RNF32: variants seen among roughly 807,000 people sequenced by gnomAD.
RNF32 encodes ring finger protein 32.
Under a neutral mutation model 41.0 loss-of-function variants are expected in RNF32, and 36 were observed. The ratio of observed to expected loss-of-function variants is 0.88; its 90% confidence interval spans 0.67 to 1.16. The LOEUF (loss-of-function observed/expected upper bound fraction) is 1.16. Ranked by LOEUF, RNF32 falls within the 50% of genes most tolerant of loss-of-function variation. The pLI is 0.00. For missense variants in RNF32, 413 were observed against 436.7 expected, an observed-to-expected ratio of 0.95 and a Z score of 0.48; for synonymous variants, 154 against 160.9, an observed-to-expected ratio of 0.96 and a Z score of 0.32.
At chr7:156,650,004 G>C (rs1318841905) in intron 3 of RNF32, among the ~76,000 whole-genome samples, 1 of 145,802 alleles carries the variant, frequency 6.9e-6, no homozygotes, top group Non-Finnish European at 1.5e-5. Flanking sequence ...AAACTCACTT[G>C]TAAAATCATC....
intron 1 of RNF32, chr7:156,643,030 G>T (rs886704132): frequency 6.6e-6 from 1 of 152,176 alleles, no homozygotes; most frequent in Admixed American, 6.5e-5. Flanking sequence ...AAATCTAAAA[G>T]GGCCAATTCC....
intron 4 of RNF32, among the ~76,000 whole-genome samples, chr7:156,656,128 A>G (rs914021221): frequency 1.3e-5 from 2 of 152,224 alleles, no homozygotes; most frequent in African/African-American, 4.8e-5. Flanking sequence ...AGGGCCTTCA[A>G]TTAATTCCGT....
chr7:156,658,199 A>G lies in RNF32; in HGVS notation c.522A>G (p.Gln174=), dbSNP rs982206761. Residue 174 remains glutamine (Q), a synonymous_variant, in exon 6 of 9, where the codon CAA becomes CAG. Coordinates refer to ENST00000317955, the MANE Select transcript of RNF32 (RefSeq NM_030936.4). ...TCPLCRKNQY[Q]TRVIHDGARL... The stretch of plus-strand genomic sequence containing the variant: ...CTCTCTGTAGAAAGAACCAGTATCA[A>G]ACCCGAGTGATACACGATGGGGCCC... 3.1e-6 allele frequency: 5 copies of G among 1,614,208 alleles called. No homozygotes were observed. The Admixed American group carries it at 6.7e-5, about 22-fold the overall frequency.
At chr7:156,641,248 C>G (rs1441466067) in intron 1 of RNF32, among the ~76,000 whole-genome samples, 1 of 152,152 alleles carries the variant, frequency 6.6e-6, no homozygotes, top group Non-Finnish European at 1.5e-5. Flanking sequence ...CACCAAGACC[C>G]TACGTAGGAT....
chr7:156,646,760 T>C (rs1798012884), intron 3 of RNF32, among the ~76,000 whole-genome samples: 1 of 152,220 alleles, frequency 6.6e-6, no homozygotes, highest in African/African-American at 2.4e-5. Context: ...TATATTACTA[T>C]GTTGATAGGT....
At chr7:156,659,579 T>G (rs1191709093) in intron 7 of RNF32, 1 of 961,342 alleles carries the variant, frequency 1.0e-6, no homozygotes, top group African/African-American at 1.8e-5. Context: ...TTGTCACCTC[T>G]TATACAATTT....
intron 3 of RNF32, among the ~76,000 whole-genome samples, chr7:156,645,992 A>G (rs1797929580): frequency 6.6e-6 from 1 of 152,204 alleles, no homozygotes; most frequent in Admixed American, 6.5e-5. Context: ...AGTCAGCCTT[A>G]CCTCCGTCAT....
Position 156,676,440 on chromosome 7 carries a change from G to T in RNF32, c.874G>T (p.Glu292Ter), listed in dbSNP as rs771521330. The change falls in exon 9 of 9, where the codon GAG (glutamate) becomes TAG (stop). Residue 292 changes from glutamate to a stop codon, truncating the protein, a stop_gained. Transcript: ENST00000317955. LOFTEE classifies it low-confidence loss of function (END_TRUNC). The part of the protein sequence containing the change: ...QVQALRRETH[E>*]CSICLAPLSA... Reference sequence around the variant, plus strand: ...GCAGGCTCTGCGCCGGGAGACCCACGAGTGCTCCATCTGCCTGGCCCCTCT... The same window carrying T: ...GCAGGCTCTGCGCCGGGAGACCCACTAGTGCTCCATCTGCCTGGCCCCTCT... 6.2e-7 allele frequency: 1 copy of T among 1,614,046 alleles called. No homozygotes were observed.
At chr7:156,657,220 CT>C (rs1173508371) in intron 4 of RNF32, among the ~76,000 whole-genome samples, 7 of 152,184 alleles carry the variant, frequency 4.6e-5, no homozygotes, top group Non-Finnish European at 8.8e-5. Context: ...CTCCTCACCC[CT>C]CCAGTTTGCA....
chr7:156,653,032 G>A (rs1798978803), intron 3 of RNF32, among the ~76,000 whole-genome samples: 1 of 152,142 alleles, frequency 6.6e-6, no homozygotes, highest in African/African-American at 2.4e-5. Flanking sequence ...CGTAAGTGTA[G>A]ACTGTTTATG....
chr7:156,652,458 A>C (rs576556603), intron 3 of RNF32, among the ~76,000 whole-genome samples: 10 of 151,990 alleles, frequency 6.6e-5, no homozygotes, highest in African/African-American at 1.2e-4. Context: ...TGTCACAACA[A>C]CACCTAGACC....
At chr7:156,650,099 C>T (rs1367381403) in intron 3 of RNF32, among the ~76,000 whole-genome samples, 1 of 152,186 alleles carries the variant, frequency 6.6e-6, no homozygotes, top group East Asian at 1.9e-4. Flanking sequence ...ACAAGCAACA[C>T]ACTGAAAGTG....
chr7:156,666,624 G>C (rs1162649717), intron 7 of RNF32, among the ~76,000 whole-genome samples: 2 of 152,214 alleles, frequency 1.3e-5, no homozygotes, highest in African/African-American at 4.8e-5. Context: ...GTGTCAGAGA[G>C]GGTGTTTGAG....
intron 7 of RNF32, among the ~76,000 whole-genome samples, chr7:156,668,697 C>T (rs946089936): frequency 8.5e-5 from 13 of 152,196 alleles, no homozygotes; most frequent in Non-Finnish European, 1.6e-4. Context: ...GTCAGCGGGG[C>T]TTTTCTTGCT....
At chr7:156,666,281 C>G (rs1801327856) in intron 7 of RNF32, among the ~76,000 whole-genome samples, 1 of 152,164 alleles carries the variant, frequency 6.6e-6, no homozygotes, top group African/African-American at 2.4e-5. Flanking sequence ...GAACTTTGTT[C>G]CTACATTTTT....
In RNF32 at chr7:156,676,536, CAT is replaced by C. The variant is rs1182903916; in HGVS notation, c.971_972del (p.His324ArgfsTer37). ...AGAGATGGCCCTCCTGTCCTGCTCA[CAT>C]GTGTTCCACCATGCGTGTCTGCTGG... ...SREMALLSCS[H>X]VFHHACLLAL... On this transcript the variant is annotated frameshift_variant, in exon 9 of 9. Coordinates refer to ENST00000317955, the MANE Select transcript of RNF32 (RefSeq NM_030936.4). LOFTEE classifies it high-confidence loss of function. 32 of 1,614,200 alleles carry C rather than the reference CAT, an allele frequency of 2.0e-5. No homozygotes were observed. The highest frequency in any genetic ancestry group is 2.7e-5 in the Non-Finnish European group (32 of 1,180,020).
intron 7 of RNF32, among the ~76,000 whole-genome samples, chr7:156,666,750 T>C (rs565885536): frequency 1.3e-5 from 2 of 152,302 alleles, no homozygotes; most frequent in African/African-American, 2.4e-5. Context: ...CTAGCACCGG[T>C]GTGTACAGAA....
intron 8 of RNF32, 75 bp from the exon 9 acceptor site, chr7:156,676,344 C>T (rs769845548): frequency 1.7e-5 from 28 of 1,613,286 alleles, no homozygotes; most frequent in Non-Finnish European, 2.3e-5. Flanking sequence ...GCACATGGTT[C>T]GCATTTCAGT....
chr7:156,645,734 T>TA (rs1797901286), intron 3 of RNF32, among the ~76,000 whole-genome samples: 1 of 152,230 alleles, frequency 6.6e-6, no homozygotes, highest in African/African-American at 2.4e-5. Flanking sequence ...GAACATACGA[T>TA]AATATTTTCT....
Sources: allele counts gnomAD v4.1 joint callset (sites outside exome capture counted in the v4.1 genomes callset), GRCh38; gene constraint gnomAD v4.1.1; transcripts MANE v1.5; gene names NCBI Gene and HGNC (gene_info 2026-07-23, HGNC 2026-07-21).